SLC2A5: variants seen among roughly 807,000 people sequenced by gnomAD.
The protein encoded by SLC2A5 is solute carrier family 2, facilitated glucose transporter member 5.
In SLC2A5, 56 loss-of-function variants were observed where a neutral mutation model predicts 50.3. The observed-to-expected ratio is 1.11, with a 90% CI of 0.90 to 1.39. The LOEUF (loss-of-function observed/expected upper bound fraction) is 1.39, where lower values mean the gene tolerates loss of function less well. Ranked by LOEUF, SLC2A5 falls within the 40% of genes most tolerant of loss-of-function variation. SLC2A5 has a pLI of 0.00. For synonymous variants in SLC2A5, 269 were observed against 281.9 expected (o/e 0.95, Z 0.46); for missense variants, 566 against 650.1 (o/e 0.87, Z 1.41).
intron 2 of SLC2A5, among the ~76,000 whole-genome samples, chr1:9,077,401 A>T (rs1337049739): frequency 6.9e-6 from 1 of 145,564 alleles, no homozygotes; most frequent in Admixed American, 6.8e-5. Context: ...CCTGTCTCAA[A>T]AAAAAAAAAA....
At chr1:9,059,402 C>A (rs1245549813) in intron 1 of SLC2A5, among the ~76,000 whole-genome samples, 1 of 151,946 alleles carries the variant, frequency 6.6e-6, no homozygotes, top group Non-Finnish European at 1.5e-5. Context: ...CTTGGCCTCC[C>A]AAAGTACTGG....
At chr1:9,044,117 C>A (rs917029733) in intron 4 of SLC2A5, among the ~76,000 whole-genome samples, 1 of 151,520 alleles carries the variant, frequency 6.6e-6, no homozygotes, top group Non-Finnish European at 1.5e-5. Flanking sequence ...TCACTTGAGG[C>A]CAGGAGTTCG....
At chr1:9,049,730 T>C (rs990812382) in intron 3 of SLC2A5, among the ~76,000 whole-genome samples, 29 of 146,686 alleles carry the variant, frequency 2.0e-4, no homozygotes, top group African/African-American at 6.8e-4. Context: ...AATAGACAAA[T>C]AGATCAATGG....
chr1:9,068,211 C>G (rs1181253153), intron 1 of SLC2A5, among the ~76,000 whole-genome samples: 3 of 101,252 alleles, frequency 3.0e-5, no homozygotes, highest in Admixed American at 9.5e-5. Flanking sequence ...AAAAAAAAAG[C>G]GAGAGAGAGA....
upstream of SLC2A5, among the ~76,000 whole-genome samples, chr1:9,091,663 C>T (rs1642463689): frequency 6.6e-6 from 1 of 151,432 alleles, no homozygotes; most frequent in South Asian, 2.1e-4. Flanking sequence ...GACCAACACT[C>T]ATGCTCTAAT....
intron 4 of SLC2A5, 68 bp from the exon 5 acceptor site, chr1:9,042,005 T>C (rs1641318149): frequency 6.8e-7 from 1 of 1,472,078 alleles, no homozygotes; most frequent in South Asian, 1.4e-5. Flanking sequence ...TGTCTTCAAG[T>C]ATACTATTCT....
chr1:9,076,748 G>C (rs926716335), intron 2 of SLC2A5, among the ~76,000 whole-genome samples: 4 of 151,838 alleles, frequency 2.6e-5, no homozygotes, highest in Admixed American at 2.6e-4. Flanking sequence ...AAGTTGCCCT[G>C]AATTTATGTT....
intron 7 of SLC2A5, 44 bp from the exon 8 acceptor site, chr1:9,039,706 GCCTCGGCGC>G: frequency 6.9e-7 from 1 of 1,456,492 alleles, no homozygotes; most frequent in Non-Finnish European, 9.1e-7. Flanking sequence ...GGAGGAGGCG[GCCTCGGCGC>G]CAGGACCCAC....
chr1:9,079,939 G>A (rs72632943), intron 2 of SLC2A5, among the ~76,000 whole-genome samples: 5,824 of 152,144 alleles, frequency 0.038, 236 homozygotes, highest in East Asian at 0.14. Flanking sequence ...CTGAAACTCC[G>A]TCCCCATTAA....
At chr1:9,059,988 A>ACG (rs1491100197) in intron 1 of SLC2A5, among the ~76,000 whole-genome samples, 6 of 65,792 alleles carry the variant, frequency 9.1e-5, no homozygotes, top group African/African-American at 3.3e-4. Flanking sequence ...AACATACTAC[A>ACG]CACACACACA....
chr1:9,067,022 A>G (rs1642100526), intron 1 of SLC2A5, among the ~76,000 whole-genome samples: 1 of 151,840 alleles, frequency 6.6e-6, no homozygotes, highest in Non-Finnish European at 1.5e-5. Context: ...AAAAGAAGAG[A>G]AAAGGCCAGT....
chr1:9,089,842 G>C (rs894973055), upstream of SLC2A5, among the ~76,000 whole-genome samples: 6 of 152,316 alleles, frequency 3.9e-5, no homozygotes, highest in Middle Eastern at 3.4e-3. Flanking sequence ...TCTCTTCACA[G>C]CTGGCACTGC....
rs1045515581 is a variant in SLC2A5 at position 9,037,319 on chromosome 1, G to A, written c.*267C>T. 2 of 436,136 alleles carry A rather than the reference G, an allele frequency of 4.6e-6. No homozygotes were observed. Among genetic ancestry groups the A allele is most frequent in the East Asian group, 4.6e-5 (1 of 21,840 alleles). The allele number at this position is 436,136 out of a possible 1,614,324, so 27.0% of individuals were successfully genotyped here. A position where few individuals can be genotyped will look rare whatever the true frequency, so the allele number is the denominator to read the frequency against. On this transcript the variant is annotated 3_prime_UTR_variant, in exon 12 of 12. Transcript: ENST00000377424. ...GGAGCCACGTTACCAGGAGCCACAC[G>A]AAGGCTGAACCAGCAAAGTGGAGGA...
chr1:9,082,880 CA>C (rs35170455), intron 2 of SLC2A5: 5,352 of 136,946 alleles, frequency 0.039, 6 homozygotes, highest in South Asian at 0.087. Context: ...GCAAACAGGA[CA>C]AAAAAAAAAA....
At chr1:9,074,803 C>T (rs1343723946) in intron 2 of SLC2A5, among the ~76,000 whole-genome samples, 4 of 152,156 alleles carry the variant, frequency 2.6e-5, no homozygotes, top group South Asian at 2.1e-4. Context: ...GCAGGAGGAT[C>T]GCTTGAGCCC....
chr1:9,044,756 T>C (rs1364546865), intron 4 of SLC2A5, among the ~76,000 whole-genome samples: 1 of 152,136 alleles, frequency 6.6e-6, no homozygotes, highest in African/African-American at 2.4e-5. Context: ...AGTTTCACCA[T>C]GTTGGCCAGG....
chr1:9,047,878 T>A, intron 3 of SLC2A5, 144 bp from the exon 4 acceptor site: 1 of 796,888 alleles, frequency 1.3e-6, no homozygotes, highest in Non-Finnish European at 2.0e-6. Context: ...GACCTGAGAC[T>A]GATACAGGTC....
chr1:9,050,716 C>T (rs1641549219), intron 3 of SLC2A5, among the ~76,000 whole-genome samples: 1 of 151,882 alleles, frequency 6.6e-6, no homozygotes, highest in Non-Finnish European at 1.5e-5. Context: ...AGAATTGATC[C>T]TTAAAATGAA....
chr1:9,079,505 A>G (rs1642329636), intron 2 of SLC2A5, among the ~76,000 whole-genome samples: 1 of 152,068 alleles, frequency 6.6e-6, no homozygotes, highest in African/African-American at 2.4e-5. Context: ...TATTTTGTTG[A>G]GACAGAGTCT....
Sources: allele counts gnomAD v4.1 joint callset (sites outside exome capture counted in the v4.1 genomes callset), GRCh38; gene constraint gnomAD v4.1.1; transcripts MANE v1.5; gene names NCBI Gene and HGNC (gene_info 2026-07-23, HGNC 2026-07-21).